The following TRIM54 variants were observed in gnomAD, a reference collection of about 807,000 sequenced individuals.
The protein encoded by TRIM54 is tripartite motif containing 54.
A neutral mutation model predicts 42.0 loss-of-function variants in TRIM54; 40 were observed. The ratio of observed to expected loss-of-function variants is 0.95; its 90% confidence interval spans 0.74 to 1.24. The LOEUF (loss-of-function observed/expected upper bound fraction) is 1.24, where lower values mean the gene tolerates loss of function less well. Among genes scored for constraint, TRIM54 ranks in the 50% most tolerant of loss-of-function variants. The pLI is 0.00. For missense variants in TRIM54, 485 were observed against 480.3 expected (o/e 1.01, Z -0.09); for synonymous variants, 199 against 194.9 (o/e 1.02, Z -0.17).
chr2:27,299,714 A>ATCTATCTT, intron 3 of TRIM54: 1 of 602,850 alleles, frequency 1.7e-6, no homozygotes, highest in Non-Finnish European at 2.9e-6. Context: ...CTATCTATCT[A>ATCTATCTT]TCATATTTTG....
At chr2:27,305,441 G>A (rs1679166651) in intron 4 of TRIM54, 143 bp from the exon 5 acceptor site, 1 of 649,912 alleles carries the variant, frequency 1.5e-6, no homozygotes, top group African/African-American at 1.8e-5. Context: ...AAAAGATCTG[G>A]GCTGGGTTCT....
chr2:27,283,417 G>T (rs1170125157), intron 1 of TRIM54, among the ~76,000 whole-genome samples: 2 of 152,222 alleles, frequency 1.3e-5, no homozygotes, highest in South Asian at 4.1e-4. Context: ...TAGACATAGT[G>T]GGCAGGAGAC....
Position 27,297,012 on chromosome 2 carries a change from G to T in TRIM54, c.169-1555G>T, listed in dbSNP as rs559115481. Reference sequence around the variant, plus strand: ...GAGCTCAAGTGATCTGCCCACCTCGGCCTCCCAAAGTGCTGGGATTACAGG... The same window carrying T: ...GAGCTCAAGTGATCTGCCCACCTCGTCCTCCCAAAGTGCTGGGATTACAGG... On this transcript the variant is annotated intron_variant, in intron 1 of 8. Transcript: ENST00000380075. Among the ~76,000 whole-genome samples the T allele has an allele frequency of 4.6e-5, 7 of 152,236 alleles. No homozygotes were observed. The East Asian group carries it at 1.2e-3, about 25-fold the overall frequency.
At chr2:27,303,382 T>G (rs1000857015) in intron 3 of TRIM54, among the ~76,000 whole-genome samples, 14 of 152,046 alleles carry the variant, frequency 9.2e-5, no homozygotes, top group Admixed American at 8.5e-4. Context: ...AAATCCCGTC[T>G]CTACTAAAGA....
At chr2:27,294,440 T>A (rs1572522847) in intron 1 of TRIM54, among the ~76,000 whole-genome samples, 1 of 152,170 alleles carries the variant, frequency 6.6e-6, no homozygotes, top group African/African-American at 2.4e-5. Flanking sequence ...TTTTATTGTG[T>A]CTGACAATGG....
chr2:27,282,880 G>C lies in TRIM54; in HGVS notation c.149G>C (p.Cys50Ser). Residue 50 changes from cysteine to serine, a missense_variant, in exon 1 of 9, where the codon TGT becomes TCT. Transcript: ENST00000380075. ...LPCQHNLCRK[C>S]ANDVFQASNP... is the part of the protein sequence containing the mutation. ...TGCCAACACAACCTGTGCCGCAAAT[G>C]TGCCAACGACGTCTTCCAGGTGGGT... 1 of 1,613,210 alleles carries C rather than the reference G, an allele frequency of 6.2e-7. No homozygotes were observed. The highest frequency in any genetic ancestry group is 8.5e-7 in the Non-Finnish European group (1 of 1,179,484).
At chr2:27,294,452 A>G (rs935494771) in intron 1 of TRIM54, among the ~76,000 whole-genome samples, 6 of 152,206 alleles carry the variant, frequency 3.9e-5, no homozygotes, top group African/African-American at 7.2e-5. Context: ...TGACAATGGA[A>G]CACAATGATT....
chr2:27,288,684 C>G (rs1678641168), intron 1 of TRIM54, among the ~76,000 whole-genome samples: 1 of 152,204 alleles, frequency 6.6e-6, no homozygotes, highest in Non-Finnish European at 1.5e-5. Context: ...CATTCACAAA[C>G]ATGATTCCAT....
chr2:27,298,435 C>CCA, intron 1 of TRIM54, 132 bp from the exon 2 acceptor site: 1 of 678,632 alleles, frequency 1.5e-6, no homozygotes, highest in Non-Finnish European at 2.5e-6. Flanking sequence ...GTGGATCCAG[C>CCA]CACAGAGAAG....
chr2:27,289,860 C>CTTTTTTTT (rs756771152), intron 1 of TRIM54, among the ~76,000 whole-genome samples: 32 of 100,632 alleles, frequency 3.2e-4, no homozygotes, highest in East Asian at 8.3e-4. Context: ...CTCTCTTTCT[C>CTTTTTTTT]TTTTTTTTTT....
chr2:27,301,135 C>CT (rs35279593), intron 3 of TRIM54, among the ~76,000 whole-genome samples: 8,435 of 125,324 alleles, frequency 0.067, 550 homozygotes, highest in African/African-American at 0.15. Flanking sequence ...TGGTTGCCCT[C>CT]TTTTTTTTTT....
At position 27,298,606 on chromosome 2, in the gene TRIM54, G is replaced by C; in HGVS notation, c.208G>C (p.Val70Leu). The stretch of plus-strand genomic sequence containing the variant: ...ATGGCAGTCCCGGGGCTCCACCACT[G>C]TGTCTTCAGGAGGCCGTTTCCGCTG... ...PLWQSRGSTT[V>L]SSGGRFRCPS... The change falls in exon 2 of 9, where the codon GTG becomes CTG. Residue 70 changes from valine to leucine, a missense_variant. Physicochemically the swap from Val to Leu is conservative, Grantham distance 32. Coordinates refer to ENST00000380075, the MANE Select transcript of TRIM54 (RefSeq NM_187841.3). 6.2e-7 allele frequency: 1 copy of C among 1,614,130 alleles called. No homozygotes were observed. The highest frequency in any genetic ancestry group is 8.5e-7 in the Non-Finnish European group (1 of 1,180,012).
rs1184186681 is a variant in TRIM54, at chr2:27,306,133, G to A, written c.866+31G>A. On this transcript the variant is annotated intron_variant, in intron 6 of 8. Coordinates refer to ENST00000380075, the MANE Select transcript of TRIM54 (RefSeq NM_187841.3). This position sits in a 1 kb window ranked among gnomAD's most constrained non-coding sequence, Gnocchi z 6.1. ...TAGGCATAGCGGGAAGGGAAAGGAG[G>A]GGGCTGCACTGCTCCACTGGCTGGG... 5 of 1,614,038 alleles carry A rather than the reference G, an allele frequency of 3.1e-6. No individual in the cohort carries two copies. The highest frequency in any genetic ancestry group is 2.5e-6 in the Non-Finnish European group (3 of 1,180,000).
At chr2:27,284,167 C>T (rs1678492808) in intron 1 of TRIM54, among the ~76,000 whole-genome samples, 1 of 152,104 alleles carries the variant, frequency 6.6e-6, no homozygotes, top group South Asian at 2.1e-4. Flanking sequence ...CCCGAATAGA[C>T]CAGAGCTGGC....
In TRIM54 at chr2:27,306,428, C is replaced by T; in HGVS notation, c.992-28C>T. On this transcript the variant is annotated intron_variant, in intron 7 of 8. Coordinates refer to ENST00000380075, the MANE Select transcript of TRIM54 (RefSeq NM_187841.3). The surrounding 1 kb of genome is among the most constrained non-coding windows in gnomAD (Gnocchi z 6.1). ...ACGATGGCCGTAAAGGCAGGGACTC[C>T]ACCTCACCAGGCCTTCCTTGGGCTC... 1 of 1,607,884 alleles carries T rather than the reference C, an allele frequency of 6.2e-7. No homozygotes were observed. Among genetic ancestry groups the T allele is most frequent in the Non-Finnish European group, 8.5e-7 (1 of 1,177,186 alleles).
chr2:27,306,104 T>A lies in TRIM54; in HGVS notation c.866+2T>A, dbSNP rs1291358068. 6 of 1,613,744 alleles carry A rather than the reference T, an allele frequency of 3.7e-6. No individual in the cohort carries two copies. The highest frequency in any genetic ancestry group is 3.3e-4 in the Middle Eastern group (2 of 6,076). ...GCAGGCCAAGGAGCTGATCAATAAG[T>A]GAGTAGGCATAGCGGGAAGGGAAAG... is the stretch of plus-strand genomic sequence containing the variant. On this transcript the variant is annotated splice_donor_variant, in intron 6 of 8. Coordinates refer to ENST00000380075, the MANE Select transcript of TRIM54 (RefSeq NM_187841.3). LOFTEE classifies it high-confidence loss of function. This position sits in a 1 kb window ranked among gnomAD's most constrained non-coding sequence, Gnocchi z 6.1.
At chr2:27,299,675 C>CCTATCTGT (rs1678974129) in intron 3 of TRIM54, 3 of 579,260 alleles carry the variant, frequency 5.2e-6, no homozygotes, top group South Asian at 2.1e-5. Flanking sequence ...CGCACTCAGC[C>CCTATCTGT]CTATCTATCT....
intron 2 of TRIM54, 26 bp from the exon 3 acceptor site, chr2:27,299,219 A>T (rs2148198945): frequency 1.2e-6 from 2 of 1,611,592 alleles, no homozygotes; most frequent in Middle Eastern, 1.7e-4. Context: ...CTTAAGGTCC[A>T]CCTCCCCCTG....
At chr2:27,299,129 C>A in intron 2 of TRIM54, 116 bp from the exon 3 acceptor site, 1 of 1,225,426 alleles carries the variant, frequency 8.2e-7, no homozygotes, top group Non-Finnish European at 1.1e-6. Flanking sequence ...CCAGTTCAGC[C>A]ACAGCACTAG....
Sources: gnomAD v4.1 joint callset for allele counts (sites outside exome capture counted in the v4.1 genomes callset) on GRCh38, gnomAD v4.1.1 for gene constraint, Gnocchi (gnomAD v3.1) non-coding constraint, MANE v1.5 for transcripts, NCBI Gene and HGNC (gene_info 2026-07-23, HGNC 2026-07-21) for gene names.